SET: variants seen among roughly 807,000 people sequenced by gnomAD.
SET encodes the protein SET nuclear proto-oncogene.
SET carries 4 observed loss-of-function variants against 39.0 expected under a neutral mutation model. That is an observed-to-expected ratio of 0.10 (90% CI 0.05 to 0.23). The LOEUF (loss-of-function observed/expected upper bound fraction) is 0.23, where lower values mean the gene tolerates loss of function less well. SET is among the 10% of genes least tolerant of loss of function. The pLI is 1.00. For missense variants in SET, 137 were observed against 329.7 expected, an observed-to-expected ratio of 0.42 and a Z score of 4.53; for synonymous variants, 114 against 115.9, an observed-to-expected ratio of 0.98 and a Z score of 0.11.
chr9:128,687,466 G>A (rs967040377), upstream of SET, among the ~76,000 whole-genome samples: 6 of 152,016 alleles, frequency 3.9e-5, no homozygotes, highest in African/African-American at 1.5e-4. Flanking sequence ...AAATTAGCAG[G>A]GCGTGGTGAC....
At chr9:128,693,514 T>G in intron 5 of SET, 124 bp from the exon 6 acceptor site, 1 of 961,778 alleles carries the variant, frequency 1.0e-6, no homozygotes, top group Non-Finnish European at 1.5e-6. Context: ...GTAATAATGG[T>G]AGCGTAGATA....
At chr9:128,693,579 A>G (rs773384553) in intron 5 of SET, 59 bp from the exon 6 acceptor site, 42 of 1,476,726 alleles carry the variant, frequency 2.8e-5, no homozygotes, top group Non-Finnish European at 3.8e-5. Flanking sequence ...TTTTTAAATT[A>G]TAGGGAGTTT....
At chr9:128,690,171 AAC>A (rs1861470444) in intron 1 of SET, 1 of 160,952 alleles carries the variant, frequency 6.2e-6, no homozygotes, top group South Asian at 2.0e-4. Context: ...GGGCGCGGGG[AAC>A]ACGCGGGCGG....
At position 128,694,806 on chromosome 9, in the gene SET, C is replaced by A; in HGVS notation, c.*142C>A. ...GTTCTTGAGGTCTCTTTTCTCTACT[C>A]CATGGTTCTCAATTTATTTGGGGGG... On this transcript the variant is annotated 3_prime_UTR_variant, in exon 8 of 8. Coordinates refer to ENST00000322030, the MANE Select transcript of SET (RefSeq NM_003011.4). The A allele has an allele frequency of 2.0e-6, 1 of 510,656 alleles. No homozygotes were observed. The highest frequency in any genetic ancestry group is 3.4e-6 in the Non-Finnish European group (1 of 296,538). 31.6% of individuals were successfully genotyped at this position (510,656 alleles called of 1,614,324 possible).
At chr9:128,685,257 A>G (rs1037423031), upstream of SET, 1 of 1,493,180 alleles carries the variant, frequency 6.7e-7, no homozygotes. Context: ...TCTTCTATAA[A>G]ATGGGATCCA....
upstream of SET, among the ~76,000 whole-genome samples, chr9:128,688,183 C>T (rs138585694): frequency 1.5e-3 from 231 of 152,298 alleles, 1 homozygote; most frequent in African/African-American, 4.9e-3. Flanking sequence ...TGCACTCCAG[C>T]CTGGGGGACA....
intron 2 of SET, 92 bp from the exon 3 acceptor site, chr9:128,691,766 C>G: frequency 7.9e-7 from 1 of 1,272,068 alleles, no homozygotes; most frequent in Non-Finnish European, 1.1e-6. Context: ...TTGCATGACT[C>G]AAGCTAGTAA....
chr9:128,688,418 G>A (rs557579072), upstream of SET, among the ~76,000 whole-genome samples: 1 of 152,222 alleles, frequency 6.6e-6, no homozygotes, highest in Non-Finnish European at 1.5e-5. Context: ...ACAGAACACC[G>A]CCTATCGCTT....
chr9:128,687,571 G>A (rs1443781429), upstream of SET, among the ~76,000 whole-genome samples: 1 of 143,746 alleles, frequency 7.0e-6, no homozygotes, highest in African/African-American at 2.6e-5. Flanking sequence ...TGGCACCACT[G>A]CACTCCAGCC....
chr9:128,693,821 A>G lies in SET; in HGVS notation c.663+13A>G. The stretch of plus-strand genomic sequence containing the variant: ...ACAGTACTACTTGGTGAGTTCTAAT[A>G]CTCATTTATTCAAGGTTGGACTTGT... On this transcript the variant is annotated intron_variant, in intron 6 of 7. Transcript: ENST00000322030. 3.1e-6 allele frequency: 5 copies of G among 1,610,278 alleles called. No individual in the cohort carries two copies. The highest frequency in any genetic ancestry group is 4.2e-6 in the Non-Finnish European group (5 of 1,178,938).
In SET at chr9:128,695,675, G is replaced by A. The variant is rs1191881158; in HGVS notation, c.*1011G>A. 8.9e-6 allele frequency: 2 copies of A among 225,924 alleles called. No homozygotes were observed. The highest frequency in any genetic ancestry group is 1.8e-5 in the Non-Finnish European group (2 of 112,628). The allele number at this position is 225,924 out of a possible 1,614,324, so 14.0% of individuals were successfully genotyped here. A position where few individuals can be genotyped will look rare whatever the true frequency, so the allele number is the denominator to read the frequency against. On this transcript the variant is annotated 3_prime_UTR_variant, in exon 8 of 8. Transcript: ENST00000322030. ...TGCAGGATGACCTCAGGGCTATGTG[G>A]ATTGAGTAATGGGATTTGAATCAAT...
At chr9:128,687,939 G>A (rs1451996566), upstream of SET, among the ~76,000 whole-genome samples, 3 of 152,108 alleles carry the variant, frequency 2.0e-5, no homozygotes, top group Non-Finnish European at 4.4e-5. Context: ...GGTACTGGCC[G>A]GGCGCAGTGG....
In SET at chr9:128,696,203, GTC is replaced by G. The variant is rs1372769001; in HGVS notation, c.*1541_*1542del. ...TTTTTCAGAGGTGAATTAATGGACA[GTC>G]TGGTGAACTTCAAAAGCTTTTTGAT... is the stretch of plus-strand genomic sequence containing the variant. On this transcript the variant is annotated 3_prime_UTR_variant, in exon 8 of 8. Coordinates refer to ENST00000322030, the MANE Select transcript of SET (RefSeq NM_003011.4). 2 of 208,644 alleles carry G rather than the reference GTC, an allele frequency of 9.6e-6. No individual in the cohort carries two copies. The highest frequency in any genetic ancestry group is 2.0e-5 in the Non-Finnish European group (2 of 101,148). 12.9% of individuals were successfully genotyped at this position (208,644 alleles called of 1,614,324 possible).
At chr9:128,689,128 C>A, upstream of SET, 1 of 328,220 alleles carries the variant, frequency 3.0e-6, no homozygotes, top group Non-Finnish European at 4.4e-6. Context: ...CCCCCTCATC[C>A]CGCCGCCCAG....
rs373337066 is a variant in SET at position 128,695,393 on chromosome 9, T to C, written c.*729T>C. ...GAACCTGTAGGATCTTATTTGGAATTGACATTCTCTATTGTAATTTTGTTC... is the reference window on the plus strand; with the variant it reads ...GAACCTGTAGGATCTTATTTGGAATCGACATTCTCTATTGTAATTTTGTTC... On this transcript the variant is annotated 3_prime_UTR_variant, in exon 8 of 8. Transcript: ENST00000322030. 3 of 223,926 alleles carry C rather than the reference T, an allele frequency of 1.3e-5. No individual in the cohort carries two copies. The highest frequency in any genetic ancestry group is 6.7e-5 in the African/African-American group (3 of 44,836). 13.9% of individuals were successfully genotyped at this position (223,926 alleles called of 1,614,324 possible).
upstream of SET, among the ~76,000 whole-genome samples, chr9:128,688,958 G>C (rs998751335): frequency 6.6e-6 from 1 of 151,658 alleles, no homozygotes; most frequent in African/African-American, 2.4e-5. Context: ...CCGCGCCTCC[G>C]TGCGACGCCC....
At position 128,691,293 on chromosome 9, in the gene SET, C is replaced by T. The variant is rs1398183750; in HGVS notation, c.131+66C>T. On this transcript the variant is annotated intron_variant, in intron 2 of 7. Coordinates refer to ENST00000322030, the MANE Select transcript of SET (RefSeq NM_003011.4). Reference sequence around the variant, plus strand: ...ATGTGTCTAATAGCCCGGTAATTATCGAAGCTATGGTCAAATCTATCCACT... The same window carrying T: ...ATGTGTCTAATAGCCCGGTAATTATTGAAGCTATGGTCAAATCTATCCACT... 4 of 997,854 alleles carry T rather than the reference C, an allele frequency of 4.0e-6. No homozygotes were observed. The African/African-American group carries it at 4.8e-5, about 12-fold the overall frequency. The allele number at this position is 997,854 out of a possible 1,614,324, so 61.8% of individuals were successfully genotyped here.
At chr9:128,692,116 C>G in intron 3 of SET, 116 bp downstream of exon 3, 2 of 1,238,960 alleles carry the variant, frequency 1.6e-6, no homozygotes, top group Middle Eastern at 1.9e-4. Flanking sequence ...AGGCTGGGTG[C>G]GGTGGCGCAC....
intron 3 of SET, 54 bp from the exon 4 acceptor site, chr9:128,692,608 G>A: frequency 1.7e-6 from 2 of 1,178,650 alleles, no homozygotes; most frequent in Non-Finnish European, 2.5e-6. Context: ...CACTTAAATT[G>A]TTGTTAGTGT....
Sources: gnomAD v4.1 joint callset for allele counts (sites outside exome capture counted in the v4.1 genomes callset) on GRCh38, gnomAD v4.1.1 for gene constraint, MANE v1.5 for transcripts, NCBI Gene and HGNC (gene_info 2026-07-23, HGNC 2026-07-21) for gene names.